TTC19: variants seen among roughly 807,000 people sequenced by gnomAD.
TTC19 encodes tetratricopeptide repeat protein 19, mitochondrial.
TTC19 carries 38 observed loss-of-function variants against 49.5 expected under a neutral mutation model. That is an observed-to-expected ratio of 0.77 (90% CI 0.59 to 1.01). TTC19 has a LOEUF of 1.01. Among genes scored for constraint, TTC19 ranks in the 50% least tolerant of loss-of-function variants. TTC19 has a pLI of 0.00. For synonymous variants in TTC19, 204 were observed against 185.2 expected (o/e 1.10, Z -0.83); for missense variants, 475 against 477.7 (o/e 0.99, Z 0.05).
chr17:16,022,396 C>G lies in TTC19; in HGVS notation c.677-2621C>G, dbSNP rs560261931. 1.5e-4 allele frequency among the ~76,000 whole-genome samples: 23 copies of G among 152,314 alleles called. No individual in the cohort carries two copies. In the Middle Eastern group the frequency reaches 0.01, roughly 68 times the overall value. On this transcript the variant is annotated intron_variant, in intron 7 of 9. Transcript: ENST00000261647. ...GTTAGATTCTGCTTTATTCCCTCCA[C>G]TAAAACCATTAACACTCATCAGAAA...
chr17:16,039,180 T>G, intron 2 of TTC19: 1 of 488,286 alleles, frequency 2.0e-6, no homozygotes, highest in Non-Finnish European at 3.7e-6. Context: ...GAGGACTAGG[T>G]GCAAACAAAT....
chr17:16,004,359 A>G (rs900241667), intron 6 of TTC19, 97 bp downstream of exon 6: 9 of 1,171,358 alleles, frequency 7.7e-6, no homozygotes, highest in Middle Eastern at 3.8e-4. Context: ...TGGGTCTCCC[A>G]GAAATTGGGT....
intron 2 of TTC19, chr17:16,000,587 GC>G: frequency 6.6e-6 from 2 of 301,542 alleles, no homozygotes; most frequent in Non-Finnish European, 1.1e-5. Flanking sequence ...GTATATAGCG[GC>G]CTGAAAATGG....
intron 2 of TTC19, chr17:16,040,281 T>C (rs2057318735): frequency 1.4e-6 from 1 of 709,874 alleles, no homozygotes; most frequent in African/African-American, 1.7e-5. Context: ...AGTTCCTTTC[T>C]GTGCTACTGG....
At chr17:16,015,095 C>T (rs535456154) in intron 7 of TTC19, among the ~76,000 whole-genome samples, 3 of 152,162 alleles carry the variant, frequency 2.0e-5, no homozygotes, top group East Asian at 1.9e-4. Flanking sequence ...TATTTGTTAT[C>T]GCAGGATTGT....
chr17:16,024,860 T>A, intron 7 of TTC19, 157 bp from the exon 8 acceptor site: 4 of 684,652 alleles, frequency 5.8e-6, no homozygotes, highest in Admixed American at 4.7e-5. Flanking sequence ...GGGCTGAAGT[T>A]CCATGATTCC....
chr17:16,012,132 TTA>T (rs1597457901), intron 7 of TTC19, among the ~76,000 whole-genome samples: 1 of 152,162 alleles, frequency 6.6e-6, no homozygotes, highest in East Asian at 1.9e-4. Flanking sequence ...TGATTTGTGT[TTA>T]TAGAGTGGGG....
In TTC19 at chr17:16,006,526, A is replaced by G. The variant is rs557570677; in HGVS notation, c.634A>G (p.Lys212Glu). The G allele has an allele frequency of 3.1e-6, 5 of 1,613,962 alleles. No homozygotes were observed. In the South Asian group the frequency reaches 5.5e-5, roughly 18 times the overall value. ...ATTCTGCATTTCAACTCTAGAGGAA[A>G]AAATTGAAAGAGAAAAGGAATTAGC... ...YEFCISTLEE[K>E]IEREKELAED... Residue 212 changes from lysine to glutamate, a missense_variant, in exon 7 of 10, where the codon AAA becomes GAA. Coordinates refer to ENST00000261647, the MANE Select transcript of TTC19 (RefSeq NM_017775.4).
At chr17:16,034,979 T>C in intron 2 of TTC19, 1 of 1,592,310 alleles carries the variant, frequency 6.3e-7, no homozygotes, top group Non-Finnish European at 8.6e-7. Context: ...TATTAATATA[T>C]TAAGTTCTCA....
intron 7 of TTC19, among the ~76,000 whole-genome samples, chr17:16,020,439 T>G (rs1034416049): frequency 2.0e-5 from 3 of 152,208 alleles, no homozygotes; most frequent in Non-Finnish European, 4.4e-5. Context: ...TATCTCTTTG[T>G]AGCTTGTCTT....
intron 2 of TTC19, among the ~76,000 whole-genome samples, chr17:16,038,762 T>A (rs1002847840): frequency 4.0e-5 from 6 of 150,460 alleles, no homozygotes; most frequent in Middle Eastern, 3.4e-3. Context: ...TTTATTTTAT[T>A]GTGTGTGTCT....
rs546868576 is a variant in TTC19 at position 16,017,341 on chromosome 17, C to T, written c.677-7676C>T. 3.2e-3 allele frequency among the ~76,000 whole-genome samples: 477 copies of T among 149,978 alleles called. 3 individuals are homozygous for T. Among genetic ancestry groups the T allele is most frequent in the African/African-American group, 0.011 (449 of 40,768 alleles). On this transcript the variant is annotated intron_variant, in intron 7 of 9. Coordinates refer to ENST00000261647, the MANE Select transcript of TTC19 (RefSeq NM_017775.4). ...ACGGGTGCCTATAGTCCCAGCTACT[C>T]GGGAGGCTGAGGCAGGAGAATGGCA...
chr17:16,011,498 G>A (rs16959521), intron 7 of TTC19, among the ~76,000 whole-genome samples: 1 of 152,124 alleles, frequency 6.6e-6, no homozygotes, highest in African/African-American at 2.4e-5. Context: ...CATCCTGTAA[G>A]TTTCATTTTA....
At position 16,029,269 on chromosome 17, in the gene TTC19, G is replaced by GTGTT. The variant is rs1001418528; in HGVS notation, c.*1749_*1752dup. 2 of 453,482 alleles carry GTGTT rather than the reference G, an allele frequency of 4.4e-6. No homozygotes were observed. The highest frequency in any genetic ancestry group is 4.7e-5 in the Admixed American group (2 of 42,518). The allele number at this position is 453,482 out of a possible 1,614,324, so 28.1% of individuals were successfully genotyped here. A position where few individuals can be genotyped will look rare whatever the true frequency, so the allele number is the denominator to read the frequency against. ...TTTTCAGGACAGTCTCTTCATGTGGGTGTTTTCATTACAGTTCATTTACAC... is the reference window on the plus strand; with the variant it reads ...TTTTCAGGACAGTCTCTTCATGTGGGTGTTTGTTTTCATTACAGTTCATTTACAC... On this transcript the variant is annotated 3_prime_UTR_variant, in exon 10 of 10. Transcript: ENST00000261647.
downstream of TTC19, chr17:16,032,251 C>T (rs1259616485): frequency 6.6e-7 from 1 of 1,511,382 alleles, no homozygotes; most frequent in African/African-American, 1.4e-5. Flanking sequence ...ACCACAAAAA[C>T]TAGAGATCCC....
chr17:16,033,025 C>T (rs1468277076), downstream of TTC19, among the ~76,000 whole-genome samples: 4 of 152,008 alleles, frequency 2.6e-5, no homozygotes, highest in Non-Finnish European at 5.9e-5. Context: ...TTTAACTGTC[C>T]CCAGAAAGCC....
In TTC19 at chr17:16,027,500, T is replaced by C. The variant is rs1971607094; in HGVS notation, c.1121T>C (p.Leu374Ser). The C allele has an allele frequency of 6.2e-7, 1 of 1,614,072 alleles. No individual in the cohort carries two copies. ...GAGCTGTCAAAGAAAAGTAGACCTT[T>C]GACAAATTCTGTCAAGCTCTAAATC... ...LAELSKKSRP[L>S]TNSVKL The change falls in exon 10 of 10, where the codon TTG becomes TCG. Residue 374 changes from leucine (L) to serine (S), a missense_variant. Transcript: ENST00000261647.
intron 7 of TTC19, among the ~76,000 whole-genome samples, chr17:16,016,650 C>T (rs1465131892): frequency 3.3e-5 from 5 of 151,190 alleles, no homozygotes; most frequent in African/African-American, 7.3e-5. Context: ...CTCCACCTCC[C>T]GGGTTCAAGT....
Position 16,026,566 on chromosome 17 carries a change from T to G in TTC19, c.858T>G (p.Ala286=), listed in dbSNP as rs1597469839. 1.9e-6 allele frequency: 3 copies of G among 1,614,196 alleles called. No homozygotes were observed. The highest frequency in any genetic ancestry group is 2.5e-6 in the Non-Finnish European group (3 of 1,180,014). The change falls in exon 9 of 10, where the codon GCT becomes GCG. Residue 286 remains alanine, a synonymous_variant. Coordinates refer to ENST00000261647, the MANE Select transcript of TTC19 (RefSeq NM_017775.4). ...CCATTGTGCTGATGAGTGACCTGGC[T>G]ACTACCCTGGATGCACAGGGCCGCT... is the stretch of plus-strand genomic sequence containing the variant. ...PQTIVLMSDL[A]TTLDAQGRFD...
Sources: allele counts gnomAD v4.1 joint callset (sites outside exome capture counted in the v4.1 genomes callset), GRCh38; gene constraint gnomAD v4.1.1; transcripts MANE v1.5; gene names NCBI Gene and HGNC (gene_info 2026-07-23, HGNC 2026-07-21).